ALDH1L1: variants seen among roughly 807,000 people sequenced by gnomAD.
The protein encoded by ALDH1L1 is cytosolic 10-formyltetrahydrofolate dehydrogenase.
A neutral mutation model predicts 101.1 loss-of-function variants in ALDH1L1; 68 were observed. That is an observed-to-expected ratio of 0.67 (90% confidence interval 0.55 to 0.82). The LOEUF is 0.82. Ranked by LOEUF, ALDH1L1 falls within the 40% of genes least tolerant of loss-of-function variation. The pLI is 0.00. For synonymous variants in ALDH1L1, 486 were observed against 470.8 expected, an observed-to-expected ratio of 1.03 and a Z score of -0.42; for missense variants, 1,087 against 1,172.7, an observed-to-expected ratio of 0.93 and a Z score of 1.07.
chr3:126,139,990 T>C (rs2080534596), intron 9 of ALDH1L1, among the ~76,000 whole-genome samples: 1 of 152,082 alleles, frequency 6.6e-6, no homozygotes, highest in African/African-American at 2.4e-5. Context: ...TAAATATGTA[T>C]TTGAAGAAAT....
At chr3:126,136,097 C>T (rs981782682) in intron 11 of ALDH1L1, among the ~76,000 whole-genome samples, 32 of 152,328 alleles carry the variant, frequency 2.1e-4, no homozygotes, top group African/African-American at 5.3e-4. Flanking sequence ...CCAAGGGCAC[C>T]GCACTGTCCT....
At chr3:126,147,073 G>T in intron 8 of ALDH1L1, 147 bp from the exon 9 acceptor site, 1 of 723,720 alleles carries the variant, frequency 1.4e-6, no homozygotes, top group Non-Finnish European at 2.3e-6. Flanking sequence ...CCTCATCCCA[G>T]GAGGCTTAAT....
At chr3:126,129,144 T>C (rs568422899) in intron 14 of ALDH1L1, 1 of 152,478 alleles carries the variant, frequency 6.6e-6, no homozygotes, top group South Asian at 2.1e-4. Context: ...CTGGAGGCGA[T>C]GCCTCCACCT....
intron 1 of ALDH1L1, among the ~76,000 whole-genome samples, chr3:126,167,739 G>C (rs1158165036): frequency 6.6e-6 from 1 of 152,054 alleles, no homozygotes; most frequent in Non-Finnish European, 1.5e-5. Flanking sequence ...TCACATGTCG[G>C]TATCATAAAG....
intron 1 of ALDH1L1, among the ~76,000 whole-genome samples, chr3:126,173,187 T>G (rs1348772422): frequency 6.6e-6 from 1 of 152,198 alleles, no homozygotes; most frequent in African/African-American, 2.4e-5. Context: ...TGAAATAATT[T>G]TTTTTCTTAT....
At chr3:126,124,911 A>G (rs2080151144) in intron 15 of ALDH1L1, among the ~76,000 whole-genome samples, 1 of 152,224 alleles carries the variant, frequency 6.6e-6, no homozygotes, top group African/African-American at 2.4e-5. Flanking sequence ...TTTTCATTAC[A>G]TCAATGCCCT....
At chr3:126,138,980 T>G (rs903456514) in intron 9 of ALDH1L1, among the ~76,000 whole-genome samples, 7 of 152,226 alleles carry the variant, frequency 4.6e-5, no homozygotes, top group African/African-American at 1.7e-4. Flanking sequence ...ATTTTCAGCC[T>G]CTCATAAGAT....
chr3:126,114,692 C>T (rs1260048702), intron 17 of ALDH1L1, 36 bp from the exon 18 acceptor site: 2 of 1,566,666 alleles, frequency 1.3e-6, no homozygotes, highest in African/African-American at 2.7e-5. Context: ...GCCGGTCCCT[C>T]CAGGGCAGGT....
chr3:126,111,124 G>A (rs1309001110), intron 19 of ALDH1L1, among the ~76,000 whole-genome samples: 1 of 152,248 alleles, frequency 6.6e-6, no homozygotes, highest in Non-Finnish European at 1.5e-5. Flanking sequence ...GGCCCATCGT[G>A]GCAGTGGGCC....
chr3:126,115,605 C>T, intron 17 of ALDH1L1: 1 of 152,088 alleles, frequency 6.6e-6, no homozygotes, highest in East Asian at 1.9e-4. Flanking sequence ...GATGGAGTCT[C>T]ACTCTTGTCA....
chr3:126,157,223 C>A, intron 4 of ALDH1L1, 120 bp downstream of exon 4: 1 of 1,287,556 alleles, frequency 7.8e-7, no homozygotes, highest in Non-Finnish European at 1.1e-6. Context: ...GCTCCTCTCC[C>A]TCCAGAATCC....
chr3:126,119,141 GCCCT>G (rs1024025140), intron 16 of ALDH1L1, among the ~76,000 whole-genome samples: 1 of 152,000 alleles, frequency 6.6e-6, no homozygotes, highest in African/African-American at 2.4e-5. Flanking sequence ...TCTGTACCAG[GCCCT>G]CTTCTCTCCT....
At chr3:126,187,353 G>C (rs1010276550) in intron 1 of ALDH1L1, among the ~76,000 whole-genome samples, 2 of 152,124 alleles carry the variant, frequency 1.3e-5, no homozygotes, top group Admixed American at 6.5e-5. Flanking sequence ...AGGATGGATG[G>C]GTGGGTAGCT....
intron 1 of ALDH1L1, among the ~76,000 whole-genome samples, chr3:126,197,513 C>T (rs1446132997): frequency 6.6e-6 from 1 of 152,150 alleles, no homozygotes; most frequent in Non-Finnish European, 1.5e-5. Flanking sequence ...TGTAAGAGTC[C>T]TCTAACTGGA....
intron 1 of ALDH1L1, among the ~76,000 whole-genome samples, chr3:126,165,656 T>C (rs1315942643): frequency 6.6e-6 from 1 of 152,180 alleles, no homozygotes; most frequent in South Asian, 2.1e-4. Context: ...TCTTGGGAGA[T>C]TGTGTGTTTC....
chr3:126,164,260 T>G (rs777892894), intron 1 of ALDH1L1, among the ~76,000 whole-genome samples: 3 of 152,214 alleles, frequency 2.0e-5, no homozygotes, highest in African/African-American at 4.8e-5. Context: ...TGGTGTAGCT[T>G]TCTCTTTCTT....
At chr3:126,104,033 C>T in intron 22 of ALDH1L1, 187 bp from the exon 23 acceptor site, 1 of 623,666 alleles carries the variant, frequency 1.6e-6, no homozygotes, top group South Asian at 1.9e-5. Context: ...GATAGTGGGC[C>T]AGGACTCCCC....
Position 126,131,475 on chromosome 3 carries a change from G to A in ALDH1L1, c.1532C>T (p.Ala511Val), listed in dbSNP as rs768309358. Residue 511 changes from alanine to valine, a missense_variant, in exon 13 of 23, where the codon GCG (alanine) becomes GTG (valine). Ala to Val is a moderately conservative substitution (Grantham distance 64, BLOSUM62 0). Coordinates refer to ENST00000393434, the MANE Select transcript of ALDH1L1 (RefSeq NM_012190.4). Reference sequence around the variant, plus strand: ...CAGGGCCAGCGTGTAGACGGCACCCGCATCCAGGGCCTCAATGGTGGCCAG... The same window carrying A: ...CAGGGCCAGCGTGTAGACGGCACCCACATCCAGGGCCTCAATGGTGGCCAG... ...EELATIEALD[A>V]GAVYTLALKT... The A allele has an allele frequency of 5.0e-6, 8 of 1,613,096 alleles. No homozygotes were observed. The highest frequency in any genetic ancestry group is 3.3e-5 in the South Asian group (3 of 91,038).
intron 2 of ALDH1L1, among the ~76,000 whole-genome samples, chr3:126,159,884 A>G (rs930821758): frequency 6.6e-6 from 1 of 152,088 alleles, no homozygotes; most frequent in Non-Finnish European, 1.5e-5. Context: ...CAGCTTCCCC[A>G]CTGAGGGAGA....
Sources: allele counts gnomAD v4.1 joint callset (sites outside exome capture counted in the v4.1 genomes callset), GRCh38; gene constraint gnomAD v4.1.1; transcripts MANE v1.5; gene names NCBI Gene and HGNC (gene_info 2026-07-23, HGNC 2026-07-21).